The following RUFY2 variants were observed in gnomAD, a reference collection of about 807,000 sequenced individuals.
RUFY2 encodes RUN and FYVE domain containing 2.
In RUFY2, 49 loss-of-function variants were observed where a neutral mutation model predicts 94.4. That is an observed-to-expected ratio of 0.52 (90% CI 0.41 to 0.66). The LOEUF (loss-of-function observed/expected upper bound fraction) is 0.66, where lower values mean the gene tolerates loss of function less well. Among genes scored for constraint, RUFY2 ranks in the 30% least tolerant of loss-of-function variants. RUFY2 has a pLI of 0.00. For synonymous variants in RUFY2, 255 were observed against 235.7 expected (o/e 1.08, Z -0.75); for missense variants, 541 against 692.8 (o/e 0.78, Z 2.46).
chr10:68,372,330 T>G (rs1032736545), intron 13 of RUFY2, among the ~76,000 whole-genome samples: 3 of 151,890 alleles, frequency 2.0e-5, no homozygotes, highest in Non-Finnish European at 4.4e-5. Context: ...AGCCCATGAG[T>G]TCAAAGCTGC....
chr10:68,378,505 T>A (rs891566220), intron 12 of RUFY2: 1 of 1,430,924 alleles, frequency 7.0e-7, no homozygotes, highest in African/African-American at 1.5e-5. Context: ...TTCTATTTAA[T>A]ATATTATAAA....
intron 7 of RUFY2, among the ~76,000 whole-genome samples, chr10:68,389,204 A>T (rs771297269): frequency 2.6e-5 from 4 of 152,216 alleles, no homozygotes; most frequent in Admixed American, 6.5e-5. Flanking sequence ...CGGTGCAATG[A>T]AACATTTATA....
intron 8 of RUFY2, among the ~76,000 whole-genome samples, chr10:68,385,199 G>T (rs898556114): frequency 3.3e-5 from 5 of 151,962 alleles, no homozygotes; most frequent in African/African-American, 1.2e-4. Flanking sequence ...GGGAGGCGGA[G>T]GTTGCAGTGA....
chr10:68,370,928 C>T (rs555675014), intron 13 of RUFY2, among the ~76,000 whole-genome samples: 107 of 151,850 alleles, frequency 7.0e-4, no homozygotes, highest in Non-Finnish European at 1.3e-3. Context: ...GTCAAGAGAT[C>T]GAGACCATCC....
chr10:68,364,664 TG>T (rs1204675389), intron 13 of RUFY2, among the ~76,000 whole-genome samples: 1 of 151,694 alleles, frequency 6.6e-6, no homozygotes, highest in Non-Finnish European at 1.5e-5. Flanking sequence ...AAGCAGACAT[TG>T]GGGGAAAGTC....
intron 12 of RUFY2, chr10:68,378,159 T>C: frequency 1.0e-6 from 1 of 987,258 alleles, no homozygotes; most frequent in Non-Finnish European, 1.2e-6. Flanking sequence ...AAAGCATATG[T>C]AAAAATCTGT....
intron 3 of RUFY2, among the ~76,000 whole-genome samples, chr10:68,397,300 A>G (rs971060926): frequency 1.3e-5 from 2 of 152,236 alleles, no homozygotes; most frequent in East Asian, 1.9e-4. Context: ...TTATTAACCA[A>G]TTGTTAACTA....
chr10:68,387,277 A>C (rs2049578339), intron 7 of RUFY2, among the ~76,000 whole-genome samples: 1 of 152,066 alleles, frequency 6.6e-6, no homozygotes, highest in South Asian at 2.1e-4. Context: ...GAATCACTTG[A>C]ACCTGGGAGG....
intron 16 of RUFY2, among the ~76,000 whole-genome samples, chr10:68,355,048 T>C (rs991278837): frequency 5.9e-5 from 9 of 152,114 alleles, no homozygotes; most frequent in Non-Finnish European, 1.0e-4. Flanking sequence ...GATTTCACCA[T>C]GTTGGCCAGG....
rs1386081890 is a variant in RUFY2, at chr10:68,386,055, A to G, written c.720+4T>C. On this transcript the variant is annotated splice_donor_region_variant and intron_variant, in intron 8 of 17. Transcript: ENST00000602465. ...ATGAAATACATTTATCCATTAGACA[A>G]TACCTCTTCAATCAGCTTAGTATTT... 4 of 1,591,162 alleles carry G rather than the reference A, an allele frequency of 2.5e-6. No homozygotes were observed. The highest frequency in any genetic ancestry group is 3.4e-6 in the Non-Finnish European group (4 of 1,162,396).
intron 2 of RUFY2, among the ~76,000 whole-genome samples, chr10:68,402,065 A>G (rs1361438594): frequency 6.6e-6 from 1 of 152,146 alleles, no homozygotes; most frequent in Non-Finnish European, 1.5e-5. Flanking sequence ...ATTGATCTTT[A>G]TAAGTTTATT....
intron 13 of RUFY2, among the ~76,000 whole-genome samples, chr10:68,371,976 G>A (rs1215292707): frequency 2.0e-5 from 3 of 152,092 alleles, no homozygotes; most frequent in Non-Finnish European, 2.9e-5. Flanking sequence ...AGAATTTATT[G>A]CCAACAGACC....
rs759719028 is a variant in RUFY2 at position 68,343,593 on chromosome 10, A to G, written c.*2175T>C. On this transcript the variant is annotated 3_prime_UTR_variant, in exon 18 of 18. Transcript: ENST00000602465. ...AACATTATAGGTTAGAAGAATTACAATTGTAATTCCCTGGCACCATGATAG... is the reference window on the plus strand; with the variant it reads ...AACATTATAGGTTAGAAGAATTACAGTTGTAATTCCCTGGCACCATGATAG... The G allele has an allele frequency of 6.6e-6, 1 of 152,502 alleles. No individual in the cohort carries two copies. The highest frequency in any genetic ancestry group is 1.5e-5 in the Non-Finnish European group (1 of 67,990). The allele number at this position is 152,502 out of a possible 1,614,324, so 9.4% of individuals were successfully genotyped here.
At chr10:68,371,048 AG>A (rs1411225267) in intron 13 of RUFY2, among the ~76,000 whole-genome samples, 1 of 147,798 alleles carries the variant, frequency 6.8e-6, no homozygotes, top group East Asian at 2.1e-4. Flanking sequence ...AGGAGAATGG[AG>A]TGAACCCAGG....
chr10:68,404,822 T>C lies in RUFY2; in HGVS notation c.27A>G (p.Val9=). The change falls in exon 2 of 18, where the codon GTA becomes GTG. Residue 9 remains valine (V), a synonymous_variant. Coordinates refer to ENST00000602465, the MANE Select transcript of RUFY2 (RefSeq NM_001330103.2). MATKDPTA[V]ERANLLNMAK... is the part of the protein sequence containing the mutation. ...CCATGTTTAACAAGTTTGCTCTCTCTACAGCTGTGGGGTCTTTTGTAGCTG... is the reference window on the plus strand; with the variant it reads ...CCATGTTTAACAAGTTTGCTCTCTCCACAGCTGTGGGGTCTTTTGTAGCTG... 14 of 1,594,558 alleles carry C rather than the reference T, an allele frequency of 8.8e-6. No individual in the cohort carries two copies. Among genetic ancestry groups the C allele is most frequent in the Non-Finnish European group, 1.2e-5 (14 of 1,171,116 alleles).
chr10:68,364,950 A>AT (rs989781912), intron 13 of RUFY2, among the ~76,000 whole-genome samples: 1 of 152,076 alleles, frequency 6.6e-6, no homozygotes, highest in African/African-American at 2.4e-5. Context: ...AATCACTTCC[A>AT]TGATTATTGC....
At chr10:68,383,442 A>C (rs1243494710) in intron 10 of RUFY2, among the ~76,000 whole-genome samples, 1 of 152,134 alleles carries the variant, frequency 6.6e-6, no homozygotes, top group Admixed American at 6.5e-5. Flanking sequence ...AACATGGTGA[A>C]ACCCCATCTC....
chr10:68,360,955 A>G (rs991455464), intron 15 of RUFY2, among the ~76,000 whole-genome samples: 5 of 151,706 alleles, frequency 3.3e-5, no homozygotes, highest in African/African-American at 9.7e-5. Context: ...TTATATGATC[A>G]TGCCTGTAAT....
chr10:68,343,032 AG>A (rs2134824680), downstream of RUFY2: 1 of 152,332 alleles, frequency 6.6e-6, no homozygotes, highest in East Asian at 1.9e-4. Context: ...ATATGTAGCA[AG>A]GAAAAGGTGC....
Sources: allele counts gnomAD v4.1 joint callset (sites outside exome capture counted in the v4.1 genomes callset), GRCh38; gene constraint gnomAD v4.1.1; transcripts MANE v1.5; gene names NCBI Gene and HGNC (gene_info 2026-07-23, HGNC 2026-07-21).